The following TMEM132B variants were observed in gnomAD, a reference collection of about 807,000 sequenced individuals.
TMEM132B encodes the protein transmembrane protein 132B.
TMEM132B carries 18 observed loss-of-function variants against 90.8 expected under a neutral mutation model. The ratio of observed to expected loss-of-function variants is 0.20; its 90% CI spans 0.14 to 0.29. TMEM132B has a LOEUF of 0.29. Among genes scored for constraint, TMEM132B ranks in the 10% least tolerant of loss-of-function variants. The probability of loss-of-function intolerance (pLI) is 1.00; values close to 1 mark genes in which losing one functional copy is unlikely to be tolerated. For missense variants in TMEM132B, 1,096 were observed against 1,326.8 expected, an observed-to-expected ratio of 0.83 and a Z score of 2.70; for synonymous variants, 504 against 523.3, an observed-to-expected ratio of 0.96 and a Z score of 0.50.
At chr12:125,500,169 G>A (rs1882661715) in intron 3 of TMEM132B, among the ~76,000 whole-genome samples, 1 of 152,190 alleles carries the variant, frequency 6.6e-6, no homozygotes, top group African/African-American at 2.4e-5. Context: ...CCGTTGCATT[G>A]CAGGCTGCTG....
At chr12:125,568,418 A>T (rs1453361417) in intron 4 of TMEM132B, among the ~76,000 whole-genome samples, 1 of 151,990 alleles carries the variant, frequency 6.6e-6, no homozygotes, top group South Asian at 2.1e-4. Flanking sequence ...CTCTCCATGA[A>T]TCTTCAGCCA....
intron 1 of TMEM132B, among the ~76,000 whole-genome samples, chr12:125,280,589 C>T (rs1166731499): frequency 6.6e-6 from 1 of 152,202 alleles, no homozygotes; most frequent in African/African-American, 2.4e-5. Context: ...GAGGAGCAGC[C>T]CGTCTTCACT....
chr12:125,243,439 TGGG>T (rs1874135570), intron 1 of TMEM132B, among the ~76,000 whole-genome samples: 1 of 152,114 alleles, frequency 6.6e-6, no homozygotes, highest in Non-Finnish European at 1.5e-5. Flanking sequence ...CCTGGGTAGC[TGGG>T]ACTACAGGCG....
intron 5 of TMEM132B, among the ~76,000 whole-genome samples, chr12:125,590,716 G>A (rs1433795637): frequency 6.6e-6 from 1 of 152,200 alleles, no homozygotes; most frequent in East Asian, 1.9e-4. Context: ...CAGCTAATGA[G>A]TATTAATAGG....
intron 4 of TMEM132B, among the ~76,000 whole-genome samples, chr12:125,552,029 C>G (rs1431027998): frequency 3.3e-5 from 5 of 152,196 alleles, no homozygotes; most frequent in African/African-American, 9.7e-5. Context: ...GAAGAAATAA[C>G]CTCTCAGTTC....
At chr12:125,468,851 G>T (rs1881640407) in intron 3 of TMEM132B, among the ~76,000 whole-genome samples, 1 of 151,882 alleles carries the variant, frequency 6.6e-6, no homozygotes, top group South Asian at 2.1e-4. Flanking sequence ...TTATTATTTT[G>T]GATTCTATTG....
At chr12:125,465,227 G>A (rs2136482061) in intron 3 of TMEM132B, among the ~76,000 whole-genome samples, 1 of 152,216 alleles carries the variant, frequency 6.6e-6, no homozygotes, top group African/African-American at 2.4e-5. Flanking sequence ...TCATTCTTTT[G>A]TCCTCTCAAT....
intron 3 of TMEM132B, among the ~76,000 whole-genome samples, chr12:125,474,056 TTTTCCTTTCCTTTCCTTTCC>T (rs113319203): frequency 0.015 from 1,941 of 129,468 alleles, 17 homozygotes; most frequent in Middle Eastern, 0.049. Flanking sequence ...CCTTCTTTCT[TTTTCCTTTCCTTTCCTTTCC>T]TTTCCTTTCC....
chr12:125,538,668 A>AATTAACTCT (rs1403396011), intron 4 of TMEM132B, among the ~76,000 whole-genome samples: 5 of 152,218 alleles, frequency 3.3e-5, no homozygotes, highest in Non-Finnish European at 7.3e-5. Context: ...AATTCCTGTT[A>AATTAACTCT]ATTAACTCTG....
Position 125,626,051 on chromosome 12 carries a change from G to A in TMEM132B, c.1438-18025G>A, listed in dbSNP as rs117050522. Among the ~76,000 whole-genome samples the A allele has an allele frequency of 5.0e-3, 759 of 152,256 alleles. 5 individuals are homozygous for A. The highest frequency in any genetic ancestry group is 0.017 in the Middle Eastern group (5 of 294). ...TTTGTTACTAATATTAACACACAAT[G>A]CATTGTTACTAGTTTTGCTTTAGAT... On this transcript the variant is annotated intron_variant, in intron 5 of 8. Transcript: ENST00000682704.
chr12:125,282,969 A>C (rs1276290921), intron 1 of TMEM132B, among the ~76,000 whole-genome samples: 1 of 152,148 alleles, frequency 6.6e-6, no homozygotes, highest in African/African-American at 2.4e-5. Context: ...TCCAAGTGGT[A>C]CAGCCCGAGA....
intron 2 of TMEM132B, among the ~76,000 whole-genome samples, chr12:125,411,359 A>C (rs1879830946): frequency 1.0e-5 from 1 of 98,344 alleles, no homozygotes. Context: ...GGGGCCTGTC[A>C]GAGGGTGGGG....
chr12:125,343,484 T>G (rs1877259631), intron 1 of TMEM132B, among the ~76,000 whole-genome samples: 1 of 152,200 alleles, frequency 6.6e-6, no homozygotes, highest in Non-Finnish European at 1.5e-5. Context: ...GACCTCCAAA[T>G]GGTTAACTCC....
chr12:125,432,528 TAGAGAG>T lies in TMEM132B; in HGVS notation c.1106+16885_1106+16890del, dbSNP rs1163300235. ...GTGTGTGTGTATATATATATATATA[TAGAGAG>T]AGAGAGAGAGAGAGAGAGAGAGAGA... On this transcript the variant is annotated intron_variant, in intron 3 of 8. Transcript: ENST00000682704. 3.3e-4 allele frequency among the ~76,000 whole-genome samples: 13 copies of T among 39,120 alleles called. 1 individual carries two copies. Among genetic ancestry groups the T allele is most frequent in the East Asian group, 6.1e-4 (1 of 1,642 alleles). The allele number at this position is 39,120 out of a possible 152,430, so 25.7% of individuals were successfully genotyped here.
At chr12:125,650,286 AG>A (rs1886873104) in intron 6 of TMEM132B, among the ~76,000 whole-genome samples, 1 of 152,074 alleles carries the variant, frequency 6.6e-6, no homozygotes, top group South Asian at 2.1e-4. Flanking sequence ...AGCCTGTGAG[AG>A]GGTAGAGAAC....
intron 3 of TMEM132B, among the ~76,000 whole-genome samples, chr12:125,449,313 T>C (rs763773620): frequency 6.6e-6 from 1 of 152,210 alleles, no homozygotes; most frequent in Non-Finnish European, 1.5e-5. Context: ...ATCTATTTTG[T>C]CTGGTGTGAG....
chr12:125,355,118 T>C (rs1206141995), intron 2 of TMEM132B, among the ~76,000 whole-genome samples: 1 of 151,894 alleles, frequency 6.6e-6, no homozygotes, highest in Non-Finnish European at 1.5e-5. Flanking sequence ...CTACTAAAGC[T>C]CTCTGGGTCA....
intron 3 of TMEM132B, among the ~76,000 whole-genome samples, chr12:125,516,594 G>C (rs1883168645): frequency 1.3e-5 from 2 of 152,218 alleles, no homozygotes; most frequent in Admixed American, 1.3e-4. Context: ...CGTGCCCACA[G>C]TCAGAAGGGC....
intron 4 of TMEM132B, among the ~76,000 whole-genome samples, chr12:125,536,158 G>A (rs763992136): frequency 1.3e-5 from 2 of 152,226 alleles, no homozygotes; most frequent in Non-Finnish European, 2.9e-5. Flanking sequence ...TCAGGTCTTT[G>A]CTCTGCAAGG....
Sources: allele counts gnomAD v4.1 joint callset (sites outside exome capture counted in the v4.1 genomes callset), GRCh38; gene constraint gnomAD v4.1.1; transcripts MANE v1.5; gene names NCBI Gene and HGNC (gene_info 2026-07-23, HGNC 2026-07-21).